The following ZNF708 variants were observed in gnomAD, a reference collection of about 807,000 sequenced individuals.
The protein encoded by ZNF708 is ZNF15, ZNF15L1.
In ZNF708, 44 loss-of-function variants were observed where a neutral mutation model predicts 47.0. The observed-to-expected ratio is 0.94, with a 90% CI of 0.74 to 1.20. ZNF708 has a LOEUF of 1.20. Among genes scored for constraint, ZNF708 ranks in the 50% most tolerant of loss-of-function variants. ZNF708 has a pLI of 0.00. For missense variants in ZNF708, 557 were observed against 656.0 expected (o/e 0.85, Z 1.65); for synonymous variants, 184 against 218.5 (o/e 0.84, Z 1.39).
At chr19:21,301,986 C>A (rs965997035) in intron 3 of ZNF708, among the ~76,000 whole-genome samples, 1 of 152,116 alleles carries the variant, frequency 6.6e-6, no homozygotes, top group Non-Finnish European at 1.5e-5. Context: ...GGTGTCCAGG[C>A]ACTGTGGTTC....
In ZNF708 at chr19:21,294,174, G is replaced by A. The variant is rs1436953972; in HGVS notation, c.792C>T (p.Ser264=). 2 of 1,610,856 alleles carry A rather than the reference G, an allele frequency of 1.2e-6. No individual in the cohort carries two copies. The highest frequency in any genetic ancestry group is 2.2e-5 in the South Asian group (2 of 90,918). Residue 264 remains serine (S), a synonymous_variant, in exon 4 of 4, where the codon TCC becomes TCT. Coordinates refer to ENST00000356929, the MANE Select transcript of ZNF708 (RefSeq NM_021269.3). ...CEECGKAFNR[S]SNLTKHKIVH... ...CTATCTTATGTTTAGTAAGGTTTGAGGACCGGTTAAAAGCTTTGCCACATT... is the reference window on the plus strand; with the variant it reads ...CTATCTTATGTTTAGTAAGGTTTGAAGACCGGTTAAAAGCTTTGCCACATT...
intron 1 of ZNF708, among the ~76,000 whole-genome samples, chr19:21,317,389 T>C (rs754231280): frequency 2.6e-5 from 4 of 152,118 alleles, no homozygotes; most frequent in Non-Finnish European, 5.9e-5. Context: ...GGACAATAGA[T>C]ACCAAATAGG....
intron 1 of ZNF708, among the ~76,000 whole-genome samples, chr19:21,320,107 C>G (rs1973097036): frequency 6.6e-6 from 1 of 151,962 alleles, no homozygotes; most frequent in Non-Finnish European, 1.5e-5. Context: ...ACCTGGAAGG[C>G]AGAGGTTGAA....
chr19:21,293,147 T>C lies in ZNF708; in HGVS notation c.*127A>G. 1 of 1,072,342 alleles carries C rather than the reference T, an allele frequency of 9.3e-7. No individual in the cohort carries two copies. The highest frequency in any genetic ancestry group is 1.3e-6 in the Non-Finnish European group (1 of 742,998). 66.4% of individuals were successfully genotyped at this position (1,072,342 alleles called of 1,614,324 possible). On this transcript the variant is annotated 3_prime_UTR_variant, in exon 4 of 4. Transcript: ENST00000356929. The stretch of plus-strand genomic sequence containing the variant: ...GTTTCTCTCTAGTATGAATTATCTT[T>C]TGTTTCATAAGGATTAAGAGCCAGT...
Position 21,294,383 on chromosome 19 carries a change from G to T in ZNF708, c.583C>A (p.Pro195Thr), listed in dbSNP as rs1244961070. 6.2e-7 allele frequency: 1 copy of T among 1,614,012 alleles called. No homozygotes were observed. Among genetic ancestry groups the T allele is most frequent in the South Asian group, 1.1e-5 (1 of 91,070 alleles). Residue 195 changes from proline (P) to threonine (T), a missense_variant, in exon 4 of 4, where the codon CCC (proline) becomes ACC (threonine). By Grantham distance (38) the Pro-to-Thr change is conservative (BLOSUM62 -1). Coordinates refer to ENST00000356929, the MANE Select transcript of ZNF708 (RefSeq NM_021269.3). ...TTGCCACATTCTTCACATTTGTAGG[G>T]TTTTTCTCCAGTATGAATTATCTCA... The part of the protein sequence containing the change: ...QHEIIHTGEK[P>T]YKCEECGKAF...
At position 21,293,083 on chromosome 19, in the gene ZNF708, A is replaced by C. The variant is rs1599663957; in HGVS notation, c.*191T>G. On this transcript the variant is annotated 3_prime_UTR_variant, in exon 4 of 4. Transcript: ENST00000356929. Reference sequence around the variant, plus strand: ...TTTTTATGTTTAGTAAGATTTAGGGACCAGTTAAATGCTTTGCCACATTCT... The same window carrying C: ...TTTTTATGTTTAGTAAGATTTAGGGCCCAGTTAAATGCTTTGCCACATTCT... 3 of 765,924 alleles carry C rather than the reference A, an allele frequency of 3.9e-6. No homozygotes were observed. The highest frequency in any genetic ancestry group is 6.3e-6 in the Non-Finnish European group (3 of 476,934). 47.4% of individuals were successfully genotyped at this position (765,924 alleles called of 1,614,324 possible).
At chr19:21,314,137 AAGG>A (rs1205481253) in intron 1 of ZNF708, among the ~76,000 whole-genome samples, 3 of 152,028 alleles carry the variant, frequency 2.0e-5, no homozygotes, top group African/African-American at 7.2e-5. Flanking sequence ...AGATCTAAAC[AAGG>A]CCCTCAAGAA....
rs544736356 is a variant in ZNF708 at position 21,319,548 on chromosome 19, G to T, written c.4-8921C>A. Among the ~76,000 whole-genome samples the T allele has an allele frequency of 2.0e-3, 300 of 151,864 alleles. 2 individuals carry two copies. Among genetic ancestry groups the T allele is most frequent in the Non-Finnish European group, 2.8e-3 (191 of 67,962 alleles). On this transcript the variant is annotated intron_variant, in intron 1 of 3. Transcript: ENST00000356929. ...GTCTCACTGCAACCTCTGCCTTCTG[G>T]GTTTGAGGGATTCTGTATCAACCTC...
rs185633552 is a variant in ZNF708, at chr19:21,326,915, C to T, written c.3+2295G>A. On this transcript the variant is annotated intron_variant, in intron 1 of 3. Coordinates refer to ENST00000356929, the MANE Select transcript of ZNF708 (RefSeq NM_021269.3). ...TGCCATTGCACTCCAGCCTGGGCAA[C>T]AAGAGCAAGAGTCCATATTAAATAT... 1.9e-3 allele frequency among the ~76,000 whole-genome samples: 295 copies of T among 151,962 alleles called. 1 individual carries two copies. Among genetic ancestry groups the T allele is most frequent in the African/African-American group, 6.7e-3 (278 of 41,456 alleles).
chr19:21,327,455 C>G (rs1973283680), intron 1 of ZNF708, among the ~76,000 whole-genome samples: 1 of 151,196 alleles, frequency 6.6e-6, no homozygotes, highest in Non-Finnish European at 1.5e-5. Flanking sequence ...TCGCTTGAAC[C>G]TGGGAGGCGG....
In ZNF708 at chr19:21,312,041, T is replaced by C. The variant is rs143275412; in HGVS notation, c.4-1414A>G. On this transcript the variant is annotated intron_variant, in intron 1 of 3. Coordinates refer to ENST00000356929, the MANE Select transcript of ZNF708 (RefSeq NM_021269.3). Reference sequence around the variant, plus strand: ...CAGGTGCGGTGGCTCAAGCCTGTAATCCCAGCACTTTGGGGGGCCAAGGGG... The same window carrying C: ...CAGGTGCGGTGGCTCAAGCCTGTAACCCCAGCACTTTGGGGGGCCAAGGGG... Among the ~76,000 whole-genome samples the C allele has an allele frequency of 7.4e-3, 1,134 of 152,248 alleles. 37 individuals carry two copies. Among genetic ancestry groups the C allele is most frequent in the Admixed American group, 0.063 (963 of 15,290 alleles).
chr19:21,315,385 T>TA (rs1972981206), intron 1 of ZNF708, among the ~76,000 whole-genome samples: 1 of 152,220 alleles, frequency 6.6e-6, no homozygotes, highest in African/African-American at 2.4e-5. Flanking sequence ...AGCCAGATCT[T>TA]ATGTGCAGAT....
chr19:21,319,353 T>C (rs1000542945), intron 1 of ZNF708, among the ~76,000 whole-genome samples: 1 of 152,196 alleles, frequency 6.6e-6, no homozygotes, highest in African/African-American at 2.4e-5. Context: ...TAATTAGTGT[T>C]CTGTAAAAGG....
At chr19:21,329,005 G>A (rs1375899996) in intron 1 of ZNF708, among the ~76,000 whole-genome samples, 2 of 152,248 alleles carry the variant, frequency 1.3e-5, no homozygotes, top group African/African-American at 4.8e-5. Flanking sequence ...TCACTGCGCA[G>A]GGAAGAGACA....
chr19:21,314,692 C>T (rs1003059199), intron 1 of ZNF708, among the ~76,000 whole-genome samples: 1 of 152,172 alleles, frequency 6.6e-6, no homozygotes, highest in African/African-American at 2.4e-5. Context: ...CAGATCTCCT[C>T]CTTGTTTTTA....
intron 1 of ZNF708, 28 bp downstream of exon 1, chr19:21,329,182 C>A (rs1973324546): frequency 1.2e-6 from 2 of 1,611,878 alleles, no homozygotes; most frequent in South Asian, 1.1e-5. Context: ...CCCTTCCCCT[C>A]TCTCGGGATG....
chr19:21,303,054 C>T lies in ZNF708; in HGVS notation c.226+6192G>A, dbSNP rs1356565325. On this transcript the variant is annotated intron_variant, in intron 3 of 3. Coordinates refer to ENST00000356929, the MANE Select transcript of ZNF708 (RefSeq NM_021269.3). ...CTTGATCCCAGGAGTTTGAGATCAG[C>T]CTGAGCAACATCTCAAAACCCTGTC... Among the ~76,000 whole-genome samples, 4 of 152,028 alleles carry T rather than the reference C, an allele frequency of 2.6e-5. No homozygotes were observed. In the East Asian group the frequency reaches 7.7e-4, roughly 29 times the overall value.
chr19:21,316,788 CT>C (rs869118560), intron 1 of ZNF708, among the ~76,000 whole-genome samples: 443 of 138,716 alleles, frequency 3.2e-3, no homozygotes, highest in Admixed American at 3.3e-3. Flanking sequence ...TCCCATCTCT[CT>C]TTTTTTTTTT....
At chr19:21,296,117 C>CA (rs1181284602) in intron 3 of ZNF708, among the ~76,000 whole-genome samples, 2 of 150,454 alleles carry the variant, frequency 1.3e-5, no homozygotes, top group Non-Finnish European at 1.5e-5. Flanking sequence ...AGTAACTTTT[C>CA]AAAAAAAACT....
Sources: gnomAD v4.1 joint callset for allele counts (sites outside exome capture counted in the v4.1 genomes callset) on GRCh38, gnomAD v4.1.1 for gene constraint, MANE v1.5 for transcripts, NCBI Gene and HGNC (gene_info 2026-07-23, HGNC 2026-07-21) for gene names.